BMX: variants seen among roughly 807,000 people sequenced by gnomAD.
The protein encoded by BMX is BMX non-receptor tyrosine kinase.
In BMX, 31 loss-of-function variants were observed where a neutral mutation model predicts 59.2. The observed-to-expected ratio is 0.52, with a 90% confidence interval of 0.39 to 0.71. BMX has a LOEUF of 0.71. Among genes scored for constraint, BMX ranks in the 30% least tolerant of loss-of-function variants. The pLI, the probability that BMX is intolerant of heterozygous loss-of-function variation, is 0.00. For synonymous variants in BMX, 185 were observed against 181.0 expected (o/e 1.02, Z -0.18); for missense variants, 474 against 491.7 (o/e 0.96, Z 0.34).
At chrX:15,527,277 T>TACAC (rs1417863499) in intron 9 of BMX, among the ~76,000 whole-genome samples, 2 of 49,434 alleles carry the variant, frequency 4.0e-5, no homozygotes, top group African/African-American at 1.7e-4. Context: ...TATATATATA[T>TACAC]ATATATACAC....
rs1215070031 is a variant in BMX at position 15,527,283 on chromosome X, TACACAC to T, written c.884+1202_884+1207del. ...ATATATATATATATATATATATATA[TACACAC>T]ACACACACACACATATATATATACC... On this transcript the variant is annotated intron_variant, in intron 9 of 18. Transcript: ENST00000348343. Among the ~76,000 whole-genome samples, 431 of 65,721 alleles carry T rather than the reference TACACAC, an allele frequency of 6.6e-3. 5 individuals are homozygous for T. Among genetic ancestry groups the T allele is most frequent in the African/African-American group, 0.027 (401 of 14,806 alleles). 57.1% of individuals were successfully genotyped at this position (65,721 alleles called of 115,157 possible).
chrX:15,509,079 G>C (rs1157523782), intron 2 of BMX, among the ~76,000 whole-genome samples: 3 of 111,915 alleles, frequency 2.7e-5, no homozygotes, highest in African/African-American at 9.7e-5. Flanking sequence ...CACATGGTAG[G>C]TGATTTGAAA....
intron 14 of BMX, among the ~76,000 whole-genome samples, chrX:15,540,488 G>A (rs756543513): frequency 1.8e-5 from 2 of 109,679 alleles, no homozygotes; most frequent in Non-Finnish European, 1.9e-5. Context: ...AAGATGACGG[G>A]TGCAGCAAAC....
chrX:15,516,209 A>C lies in BMX; in HGVS notation c.423A>C (p.Pro141=). The change falls in exon 5 of 19, where the codon CCA becomes CCC. Residue 141 remains proline, a synonymous_variant. Transcript: ENST00000348343. ...GCCAGCAGAGCTGTAAAGCAGCCCC[A>C]GGATGTACCCTCTGGGAAGCATGTA... ...LCCQQSCKAA[P]GCTLWEAYAN... 1.7e-6 allele frequency: 2 copies of C among 1,210,694 alleles called. No homozygotes were observed. Among genetic ancestry groups the C allele is most frequent in the Non-Finnish European group, 2.2e-6 (2 of 894,870 alleles).
intron 18 of BMX, 134 bp downstream of exon 18, chrX:15,550,131 G>T: frequency 1.3e-6 from 1 of 763,458 alleles, no homozygotes. Context: ...CTCAGCCCCT[G>T]CCCTAAAATG....
At chrX:15,549,238 T>C (rs1165112558) in intron 17 of BMX, among the ~76,000 whole-genome samples, 1 of 111,685 alleles carries the variant, frequency 9.0e-6, no homozygotes, top group East Asian at 2.8e-4. Context: ...AAATGCTGTG[T>C]ATTCACTTTC....
chrX:15,538,708 T>C (rs1925502072), intron 14 of BMX, among the ~76,000 whole-genome samples: 1 of 112,025 alleles, frequency 8.9e-6, no homozygotes, highest in Non-Finnish European at 1.9e-5. Context: ...AAAGCAGAGA[T>C]ACAAACCCAG....
intron 4 of BMX, among the ~76,000 whole-genome samples, chrX:15,512,185 G>A (rs1402882192): frequency 9.0e-6 from 1 of 111,062 alleles, no homozygotes; most frequent in Non-Finnish European, 1.9e-5. Context: ...AGGCCGCCCT[G>A]GTAACAACTT....
intron 1 of BMX, chrX:15,507,225 G>A (rs890371962): frequency 2.9e-5 from 14 of 483,586 alleles, no homozygotes; most frequent in Non-Finnish European, 3.1e-5. Flanking sequence ...ACAGAGCAAT[G>A]CCTGTGTGGG....
chrX:15,525,466 G>A (rs1469227828), intron 8 of BMX, 101 bp downstream of exon 8: 3 of 857,272 alleles, frequency 3.5e-6, no homozygotes, highest in African/African-American at 4.1e-5. Flanking sequence ...TTCTACTTAA[G>A]GTAAATATAA....
intron 18 of BMX, among the ~76,000 whole-genome samples, chrX:15,553,376 G>T (rs1430880765): frequency 9.0e-6 from 1 of 111,683 alleles, no homozygotes; most frequent in African/African-American, 3.3e-5. Context: ...AATGCTCTTG[G>T]TCTTTTTTGC....
At chrX:15,554,219 C>T (rs753360811) in intron 18 of BMX, among the ~76,000 whole-genome samples, 1 of 112,346 alleles carries the variant, frequency 8.9e-6, no homozygotes, top group African/African-American at 3.2e-5. Context: ...GGCGTTGCCT[C>T]ACTAGCAATG....
chrX:15,512,914 T>C (rs949114774), intron 4 of BMX, among the ~76,000 whole-genome samples: 2 of 111,297 alleles, frequency 1.8e-5, no homozygotes, highest in Admixed American at 1.9e-4. Flanking sequence ...CCCTGCTAGA[T>C]CTCATGTGTC....
chrX:15,527,193 CAAA>C (rs1188631387), intron 9 of BMX, among the ~76,000 whole-genome samples: 3 of 14,162 alleles, frequency 2.1e-4, no homozygotes, highest in African/African-American at 2.7e-4. Flanking sequence ...GACTCTGTCT[CAAA>C]AAAAAAAAAA....
chrX:15,508,942 A>C (rs1923843088), intron 2 of BMX, among the ~76,000 whole-genome samples: 1 of 112,239 alleles, frequency 8.9e-6, no homozygotes, highest in Non-Finnish European at 1.9e-5. Flanking sequence ...ACAATGCTAG[A>C]AATAAGACTA....
chrX:15,541,574 A>G (rs1925685146), intron 14 of BMX, among the ~76,000 whole-genome samples: 1 of 112,102 alleles, frequency 8.9e-6, no homozygotes, highest in Non-Finnish European at 1.9e-5. Flanking sequence ...TTTAGAATGA[A>G]ATATTTAGAT....
chrX:15,529,283 T>C (rs761745266), intron 9 of BMX, among the ~76,000 whole-genome samples: 63 of 111,899 alleles, frequency 5.6e-4, no homozygotes, highest in African/African-American at 1.8e-3. Flanking sequence ...AGTTCTGAGA[T>C]ACCTTCTACA....
Position 15,544,270 on chromosome X carries a change from T to C in BMX, c.1676+1135T>C, listed in dbSNP as rs191104077. Among the ~76,000 whole-genome samples, 113 of 110,775 alleles carry C rather than the reference T, an allele frequency of 1.0e-3. 1 individual carries two copies. Among genetic ancestry groups the C allele is most frequent in the African/African-American group, 3.5e-3 (107 of 30,432 alleles). ...TTTTTGACCCTTGTGGCACATACCG[T>C]GGAAGCTATGGTAATTCCTCTGGGA... On this transcript the variant is annotated intron_variant, in intron 16 of 18. Coordinates refer to ENST00000348343, the MANE Select transcript of BMX (RefSeq NM_203281.3).
intron 9 of BMX, among the ~76,000 whole-genome samples, chrX:15,528,583 G>A (rs751429819): frequency 1.6e-4 from 18 of 110,739 alleles, no homozygotes; most frequent in African/African-American, 5.6e-4. Context: ...ACTTGAGCCC[G>A]GGAGGTCGAG....
Sources: gnomAD v4.1 joint callset for allele counts (sites outside exome capture counted in the v4.1 genomes callset) on GRCh38, gnomAD v4.1.1 for gene constraint, MANE v1.5 for transcripts, NCBI Gene and HGNC (gene_info 2026-07-23, HGNC 2026-07-21) for gene names.